Variants in OPA3 observed in about 807,000 individuals in gnomAD.
The protein encoded by OPA3 is optic atrophy 3 protein.
OPA3 carries 6 observed loss-of-function variants against 4.0 expected under a neutral mutation model. That is an observed-to-expected ratio of 1.51 (90% CI 0.83 to 2.99). The LOEUF is 2.99. OPA3 is among the 30% of genes most tolerant of loss of function. The probability of loss-of-function intolerance (pLI) is 0.00; values close to 1 mark genes in which losing one functional copy is unlikely to be tolerated. For missense variants in OPA3, 235 were observed against 256.2 expected (o/e 0.92, Z 0.56); for synonymous variants, 105 against 117.1 (o/e 0.90, Z 0.67).
rs1289223044 is a variant in OPA3 at position 45,529,081 on chromosome 19, G to A, written c.518C>T (p.Pro173Leu). The change falls in exon 2 of 2, where the codon CCA becomes CTA. Residue 173 changes from proline (P) to leucine (L), a missense_variant. Transcript: ENST00000323060. ...CTATTTCTCGGACGCCGGCGCAACTGGGGGTGCAGGCGGCGGGTCTCGGAG... is the reference window on the plus strand; with the variant it reads ...CTATTTCTCGGACGCCGGCGCAACTAGGGGTGCAGGCGGCGGGTCTCGGAG... The A allele has an allele frequency of 5.0e-6, 8 of 1,600,744 alleles. No homozygotes were observed. The Admixed American group carries it at 1.0e-4, about 20-fold the overall frequency.
At chr19:45,584,574 A>C in intron 1 of OPA3, 49 bp downstream of exon 1, 1 of 1,613,368 alleles carries the variant, frequency 6.2e-7, no homozygotes. Context: ...ACCACCTGAC[A>C]GGGGTTGGAG....
intron 1 of OPA3, among the ~76,000 whole-genome samples, chr19:45,580,263 G>C (rs547770622): frequency 5.0e-4 from 75 of 150,804 alleles, no homozygotes; most frequent in Non-Finnish European, 9.9e-4. Context: ...CAAAGTGTTG[G>C]GATTACAGGC....
At chr19:45,528,571 C>CA (rs1328940032) in exon 2 of OPA3, 2 of 164,304 alleles carry the variant, frequency 1.2e-5, no homozygotes, top group Non-Finnish European at 2.6e-5. Flanking sequence ...TGGTCTGTAC[C>CA]AATGAGGAGG....
chr19:45,572,522 TG>T (rs1969692361), intron 1 of OPA3, among the ~76,000 whole-genome samples: 2 of 128,288 alleles, frequency 1.6e-5, no homozygotes, highest in Non-Finnish European at 3.3e-5. Context: ...ATATGAGATA[TG>T]AGATATATAT....
downstream of OPA3, among the ~76,000 whole-genome samples, chr19:45,543,695 G>C (rs576043078): frequency 2.9e-4 from 44 of 152,110 alleles, no homozygotes; most frequent in South Asian, 7.9e-3. Context: ...TCTAACTCCT[G>C]AGCTCAAGCA....
In OPA3 at chr19:45,529,293, C is replaced by T; in HGVS notation, c.306G>A (p.Trp102Ter). The change falls in exon 2 of 2, where the codon TGG becomes TGA. Residue 102 changes from tryptophan (W) to a stop codon, truncating the protein, a stop_gained. Transcript: ENST00000323060. LOFTEE classifies it low-confidence loss of function (END_TRUNC). Reference sequence around the variant, plus strand: ...TGCGGCGCTGCTGCAACTGGTGGCGCCAATACTCCAGCATCAGGCAGCTGC... The same window carrying T: ...TGCGGCGCTGCTGCAACTGGTGGCGTCAATACTCCAGCATCAGGCAGCTGC... 1 of 1,614,134 alleles carries T rather than the reference C, an allele frequency of 6.2e-7. No homozygotes were observed. The highest frequency in any genetic ancestry group is 8.5e-7 in the Non-Finnish European group (1 of 1,180,024).
At chr19:45,581,031 CA>C (rs1969847650) in intron 1 of OPA3, among the ~76,000 whole-genome samples, 1 of 152,194 alleles carries the variant, frequency 6.6e-6, no homozygotes, top group East Asian at 1.9e-4. Flanking sequence ...GCCTCTGGCA[CA>C]AATCTCTGCG....
At chr19:45,536,934 GA>G (rs924790348) in intron 1 of OPA3, among the ~76,000 whole-genome samples, 7 of 151,120 alleles carry the variant, frequency 4.6e-5, no homozygotes, top group Non-Finnish European at 7.4e-5. Context: ...AACACTTTTA[GA>G]AAAAAAAAGT....
intron 1 of OPA3, among the ~76,000 whole-genome samples, chr19:45,569,176 G>C (rs569849779): frequency 6.6e-6 from 1 of 152,158 alleles, no homozygotes; most frequent in Non-Finnish European, 1.5e-5. Flanking sequence ...AGAGAGGCTA[G>C]GGCCGAGCGC....
chr19:45,529,110 G>C, exon 2 of OPA3: 1 of 1,604,276 alleles, frequency 6.2e-7, no homozygotes, highest in Non-Finnish European at 8.5e-7. Flanking sequence ...CTCGGAGGCA[G>C]AGGTGGGCTC....
At chr19:45,563,853 C>CTATTT (rs1969541770) in intron 1 of OPA3, among the ~76,000 whole-genome samples, 1 of 141,350 alleles carries the variant, frequency 7.1e-6, no homozygotes, top group Non-Finnish European at 1.5e-5. Context: ...CGCGCCCGGC[C>CTATTT]TTTTTTTTTT....
At chr19:45,566,721 G>A (rs1379464716) in intron 1 of OPA3, among the ~76,000 whole-genome samples, 3 of 151,876 alleles carry the variant, frequency 2.0e-5, no homozygotes, top group Non-Finnish European at 4.4e-5. Context: ...TGATCCGCCC[G>A]CCTTAGCCTC....
chr19:45,540,569 A>AG (rs1969173987), intron 1 of OPA3, among the ~76,000 whole-genome samples: 1 of 147,390 alleles, frequency 6.8e-6, no homozygotes, highest in Non-Finnish European at 1.5e-5. Context: ...TCAGAAAGAA[A>AG]AAAAAAAAAA....
rs1969354564 is a variant in OPA3, at chr19:45,552,782, T to C, written c.*732A>G. 6.3e-6 allele frequency: 1 copy of C among 158,204 alleles called. No individual in the cohort carries two copies. The highest frequency in any genetic ancestry group is 6.5e-5 in the Admixed American group (1 of 15,270). 9.8% of individuals were successfully genotyped at this position (158,204 alleles called of 1,614,324 possible). A position where few individuals can be genotyped will look rare whatever the true frequency, so the allele number is the denominator to read the frequency against. On this transcript the variant is annotated 3_prime_UTR_variant, in exon 2 of 2. Transcript: ENST00000263275. The stretch of plus-strand genomic sequence containing the variant: ...CCTCCACCTCATGGGTTCAAGCAAT[T>C]CTCCTGCCTCAGCCTCCCGAGTAGC...
intron 1 of OPA3, chr19:45,529,540 G>GC: frequency 2.0e-6 from 3 of 1,524,662 alleles, no homozygotes; most frequent in Non-Finnish European, 2.7e-6. Context: ...TGTCCCCGTT[G>GC]TAGCAATGGG....
chr19:45,575,875 G>T (rs1014067234), intron 1 of OPA3, among the ~76,000 whole-genome samples: 1 of 151,950 alleles, frequency 6.6e-6, no homozygotes, highest in Non-Finnish European at 1.5e-5. Flanking sequence ...TAAAGTGCTG[G>T]GATAACAGGC....
intron 1 of OPA3, among the ~76,000 whole-genome samples, chr19:45,559,622 C>T (rs1302331769): frequency 6.6e-6 from 1 of 151,692 alleles, no homozygotes; most frequent in Non-Finnish European, 1.5e-5. Flanking sequence ...AGGCTGGTCT[C>T]GAACTCCTGA....
chr19:45,584,043 C>T (rs375699708), intron 1 of OPA3, among the ~76,000 whole-genome samples: 96 of 152,352 alleles, frequency 6.3e-4, no homozygotes, highest in African/African-American at 2.3e-3. Context: ...AATGTCCTCT[C>T]TGGCTCAAAG....
chr19:45,529,451 G>A, exon 2 of OPA3: 1 of 1,613,978 alleles, frequency 6.2e-7, no homozygotes, highest in Non-Finnish European at 8.5e-7. Context: ...TCCAGCCAGT[G>A]GTACACTGCA....
Sources: gnomAD v4.1 joint callset for allele counts (sites outside exome capture counted in the v4.1 genomes callset) on GRCh38, gnomAD v4.1.1 for gene constraint, MANE v1.5 for transcripts, NCBI Gene and HGNC (gene_info 2026-07-23, HGNC 2026-07-21) for gene names.